ULK2: variants seen among roughly 807,000 people sequenced by gnomAD.
ULK2 encodes the protein serine/threonine-protein kinase ULK2.
ULK2 carries 76 observed loss-of-function variants against 127.5 expected under a neutral mutation model. That is an observed-to-expected ratio of 0.60 (90% confidence interval 0.50 to 0.72). The LOEUF is 0.72. ULK2 is among the 30% of genes least tolerant of loss of function. The probability of loss-of-function intolerance (pLI) is 0.00; values close to 1 mark genes in which losing one functional copy is unlikely to be tolerated. For synonymous variants in ULK2, 452 were observed against 461.9 expected (o/e 0.98, Z 0.28); for missense variants, 1,144 against 1,295.9 (o/e 0.88, Z 1.80).
At position 19,777,719 on chromosome 17, in the gene ULK2, G is replaced by T. The variant is rs2086838614; in HGVS notation, c.2917-3C>A. The T allele has an allele frequency of 6.3e-7, 1 of 1,593,134 alleles. No individual in the cohort carries two copies. The highest frequency in any genetic ancestry group is 1.4e-5 in the African/African-American group (1 of 73,690). ...TCATCCAGGGCTGCAGACTGAACCT[G>T]GAACCAGTCAACAAAAACACAATTC... On this transcript the variant is annotated splice_polypyrimidine_tract_variant and splice_region_variant and intron_variant, in intron 25 of 26. Transcript: ENST00000395544.
chr17:19,787,793 C>CACT (rs1222889652), intron 20 of ULK2, among the ~76,000 whole-genome samples: 1 of 152,158 alleles, frequency 6.6e-6, no homozygotes, highest in African/African-American at 2.4e-5. Context: ...AACTTCATAT[C>CACT]ACTGAAAGAG....
In ULK2 at chr17:19,834,688, G is replaced by A. The variant is rs559211915; in HGVS notation, c.787+3813C>T. 3.9e-5 allele frequency among the ~76,000 whole-genome samples: 6 copies of A among 152,230 alleles called. No individual in the cohort carries two copies. In the South Asian group the frequency reaches 1.2e-3, roughly 32 times the overall value. On this transcript the variant is annotated intron_variant, in intron 10 of 26. Transcript: ENST00000395544. ...GCACTCTGGGAGGCCGAGGCAGGAT[G>A]TGCGCTTGAACCCAGGAGTTGGCAA... is the stretch of plus-strand genomic sequence containing the variant.
At chr17:19,830,682 T>C (rs1203217908) in intron 10 of ULK2, among the ~76,000 whole-genome samples, 1 of 150,590 alleles carries the variant, frequency 6.6e-6, no homozygotes, top group Non-Finnish European at 1.5e-5. Context: ...ATCCACAATA[T>C]GTGGAAATTA....
At chr17:19,856,710 C>A (rs548423600) in intron 3 of ULK2, among the ~76,000 whole-genome samples, 6 of 151,736 alleles carry the variant, frequency 4.0e-5, no homozygotes, top group Non-Finnish European at 7.4e-5. Context: ...CAGTGGCTCA[C>A]GCCTGGAATC....
chr17:19,814,572 C>T (rs2040940335), intron 13 of ULK2, among the ~76,000 whole-genome samples: 1 of 150,902 alleles, frequency 6.6e-6, no homozygotes, highest in African/African-American at 2.4e-5. Context: ...CCACCATACC[C>T]AGCTACTTTT....
At chr17:19,791,530 C>G (rs1390737923) in intron 20 of ULK2, among the ~76,000 whole-genome samples, 1 of 151,988 alleles carries the variant, frequency 6.6e-6, no homozygotes, top group East Asian at 1.9e-4. Flanking sequence ...ACTAAAAATA[C>G]AAAAATTAGC....
chr17:19,811,180 G>C (rs1237828810), intron 13 of ULK2: 5 of 152,134 alleles, frequency 3.3e-5, no homozygotes, highest in Admixed American at 1.3e-4. Flanking sequence ...GGGCAAAGGG[G>C]AAGTCCATTT....
chr17:19,776,761 T>C (rs976530262), intron 26 of ULK2, among the ~76,000 whole-genome samples: 1 of 152,164 alleles, frequency 6.6e-6, no homozygotes, highest in African/African-American at 2.4e-5. Flanking sequence ...CATCCTGGTA[T>C]CCCATCAATC....
intron 7 of ULK2, among the ~76,000 whole-genome samples, chr17:19,844,655 TTGA>T (rs1349257324): frequency 6.6e-6 from 1 of 152,064 alleles, no homozygotes; most frequent in East Asian, 1.9e-4. Context: ...CAGTTCAAAG[TTGA>T]TTTTAGTTTA....
intron 10 of ULK2, among the ~76,000 whole-genome samples, chr17:19,831,963 T>C (rs538001569): frequency 3.9e-4 from 59 of 152,180 alleles, no homozygotes; most frequent in African/African-American, 1.1e-3. Context: ...CTGTCTCTAC[T>C]AAAAATACAA....
Position 19,782,062 on chromosome 17 carries a change from T to C in ULK2, c.2466A>G (p.Glu822=). 1 of 1,612,944 alleles carries C rather than the reference T, an allele frequency of 6.2e-7. No individual in the cohort carries two copies. The highest frequency in any genetic ancestry group is 8.5e-7 in the Non-Finnish European group (1 of 1,179,418). The change falls in exon 23 of 27, where the codon GAA becomes GAG. Residue 822 remains glutamate (E), a synonymous_variant. Coordinates refer to ENST00000395544, the MANE Select transcript of ULK2 (RefSeq NM_014683.4). ...ELPEETLMER[E]HTDTLRHLNV... ...TCAGATGGCGTAAGGTGTCTGTGTG[T>C]TCCCGCTGCAGCAAAGTCAATTTGT...
Position 19,834,885 on chromosome 17 carries a change from G to A in ULK2, c.787+3616C>T, listed in dbSNP as rs558035694. On this transcript the variant is annotated intron_variant, in intron 10 of 26. Transcript: ENST00000395544. ...TGTTTTTACCACCGTACTTAGGCCTGGGTGCAGAGTGAGACTCTGTCTCAG... is the reference window on the plus strand; with the variant it reads ...TGTTTTTACCACCGTACTTAGGCCTAGGTGCAGAGTGAGACTCTGTCTCAG... 1.5e-3 allele frequency among the ~76,000 whole-genome samples: 230 copies of A among 151,686 alleles called. 1 individual carries two copies. The highest frequency in any genetic ancestry group is 5.3e-3 in the African/African-American group (219 of 41,374).
intron 13 of ULK2, among the ~76,000 whole-genome samples, chr17:19,811,668 C>CT (rs1333693100): frequency 1.3e-5 from 2 of 152,116 alleles, no homozygotes; most frequent in African/African-American, 4.8e-5. Flanking sequence ...TCTCGAACTC[C>CT]TGACCTCAAG....
chr17:19,866,630 T>A (rs1284155041), intron 1 of ULK2, among the ~76,000 whole-genome samples: 2 of 152,236 alleles, frequency 1.3e-5, no homozygotes, highest in Non-Finnish European at 2.9e-5. Flanking sequence ...TTAAGATTAT[T>A]TCCACTCCCG....
rs916311842 is a variant in ULK2 at position 19,797,777 on chromosome 17, GATAA to G, written c.1523-99_1523-96del. 30 of 1,129,228 alleles carry G rather than the reference GATAA, an allele frequency of 2.7e-5. No individual in the cohort carries two copies. In the East Asian group the frequency reaches 4.5e-4, roughly 17 times the overall value. 70.0% of individuals were successfully genotyped at this position (1,129,228 alleles called of 1,614,324 possible). A position where few individuals can be genotyped will look rare whatever the true frequency, so the allele number is the denominator to read the frequency against. On this transcript the variant is annotated intron_variant, in intron 17 of 26. Coordinates refer to ENST00000395544, the MANE Select transcript of ULK2 (RefSeq NM_014683.4). ...AGACAATTTTTAAAATGAGAATTCT[GATAA>G]ATATCTTATTTTTCATAAGACATTC...
At chr17:19,793,439 G>A (rs548053002) in intron 20 of ULK2, among the ~76,000 whole-genome samples, 1 of 152,256 alleles carries the variant, frequency 6.6e-6, no homozygotes, top group South Asian at 2.1e-4. Context: ...TGCGACCACT[G>A]AATAGCCCAT....
At chr17:19,788,278 C>T (rs998188746) in intron 20 of ULK2, among the ~76,000 whole-genome samples, 1 of 151,918 alleles carries the variant, frequency 6.6e-6, no homozygotes, top group Non-Finnish European at 1.5e-5. Context: ...CAAACCCAGG[C>T]AGCGCAGCTC....
intron 14 of ULK2, among the ~76,000 whole-genome samples, chr17:19,809,388 T>C (rs1433726428): frequency 1.3e-5 from 2 of 152,176 alleles, no homozygotes; most frequent in Non-Finnish European, 2.9e-5. Context: ...AATAATGAAC[T>C]ATAAACATTA....
At chr17:19,787,023 G>T (rs1290396453) in intron 20 of ULK2, among the ~76,000 whole-genome samples, 49 of 146,598 alleles carry the variant, frequency 3.3e-4, no homozygotes, top group South Asian at 1.1e-3. Context: ...TTTTGGAGAC[G>T]GAATCTCACT....
Sources: gnomAD v4.1 joint callset for allele counts (sites outside exome capture counted in the v4.1 genomes callset) on GRCh38, gnomAD v4.1.1 for gene constraint, MANE v1.5 for transcripts, NCBI Gene and HGNC (gene_info 2026-07-23, HGNC 2026-07-21) for gene names.